The following TANC2 variants were observed in gnomAD, a reference collection of about 807,000 sequenced individuals.
TANC2 encodes protein TANC2.
A neutral mutation model predicts 210.5 loss-of-function variants in TANC2; 26 were observed. That is an observed-to-expected ratio of 0.12 (90% CI 0.09 to 0.17). The LOEUF (loss-of-function observed/expected upper bound fraction) is 0.17, where lower values mean the gene tolerates loss of function less well. Ranked by LOEUF, TANC2 falls within the 10% of genes least tolerant of loss-of-function variation. The probability of loss-of-function intolerance (pLI) is 1.00; values close to 1 mark genes in which losing one functional copy is unlikely to be tolerated. For synonymous variants in TANC2, 931 were observed against 967.1 expected (o/e 0.96, Z 0.69); for missense variants, 2,129 against 2,608.9 (o/e 0.82, Z 4.01).
intron 4 of TANC2, among the ~76,000 whole-genome samples, chr17:63,129,161 A>AT (rs1282148990): frequency 1.1e-4 from 16 of 149,434 alleles, no homozygotes; most frequent in East Asian, 5.9e-4. Flanking sequence ...TGTCCGGCTG[A>AT]TTTTTTTTTT....
chr17:63,398,974 C>T (rs1294818544), intron 19 of TANC2, 60 bp downstream of exon 19: 1 of 1,266,774 alleles, frequency 7.9e-7, no homozygotes, highest in Non-Finnish European at 1.1e-6. Context: ...TCTCGAATCT[C>T]ACCCCCTTAT....
intron 4 of TANC2, among the ~76,000 whole-genome samples, chr17:63,122,050 A>G (rs1207982298): frequency 6.6e-6 from 1 of 152,140 alleles, no homozygotes; most frequent in Non-Finnish European, 1.5e-5. Context: ...GCAAGGATGA[A>G]AAACTCAATC....
chr17:63,245,140 C>T (rs748161303), intron 8 of TANC2, among the ~76,000 whole-genome samples: 1 of 152,164 alleles, frequency 6.6e-6, no homozygotes, highest in Non-Finnish European at 1.5e-5. Flanking sequence ...TTTATCCTTG[C>T]TTCAATTTTA....
Position 63,412,557 on chromosome 17 carries a change from G to A in TANC2, c.3899-123G>A. 2.2e-6 allele frequency: 2 copies of A among 913,482 alleles called. No homozygotes were observed. Among genetic ancestry groups the A allele is most frequent in the Non-Finnish European group, 3.4e-6 (2 of 593,746 alleles). 56.6% of individuals were successfully genotyped at this position (913,482 alleles called of 1,614,324 possible). ...CCCACAGACCTATAGACGAGGGTTG[G>A]CTGATATGCTGGCTTTGTGCTGCCT... On this transcript the variant is annotated intron_variant, in intron 23 of 27. Transcript: ENST00000689528. This position sits in a 1 kb window ranked among gnomAD's most constrained non-coding sequence, Gnocchi z 4.2.
At chr17:63,246,955 C>A (rs936754727) in intron 8 of TANC2, among the ~76,000 whole-genome samples, 2 of 152,126 alleles carry the variant, frequency 1.3e-5, no homozygotes, top group Non-Finnish European at 2.9e-5. Flanking sequence ...TCCTGTTTCT[C>A]TACATCTCCT....
At chr17:63,014,573 G>A (rs569561462) in intron 2 of TANC2, among the ~76,000 whole-genome samples, 5 of 152,064 alleles carry the variant, frequency 3.3e-5, no homozygotes, top group Admixed American at 6.5e-5. Flanking sequence ...TAATTTTTCC[G>A]AGTCTGTGTT....
At chr17:63,134,114 T>C (rs1033204813) in intron 4 of TANC2, among the ~76,000 whole-genome samples, 16 of 152,158 alleles carry the variant, frequency 1.1e-4, no homozygotes, top group African/African-American at 3.9e-4. Flanking sequence ...ACCTATTAAA[T>C]AGCAGTTATC....
chr17:63,128,168 G>A (rs1368299154), intron 4 of TANC2, among the ~76,000 whole-genome samples: 1 of 151,934 alleles, frequency 6.6e-6, no homozygotes, highest in African/African-American at 2.4e-5. Flanking sequence ...ATAAAAGTAA[G>A]GTGCTAAAAA....
At chr17:63,341,409 T>C (rs995837947) in intron 12 of TANC2, among the ~76,000 whole-genome samples, 2 of 152,226 alleles carry the variant, frequency 1.3e-5, no homozygotes, top group African/African-American at 4.8e-5. Context: ...CCCACTTGGC[T>C]CAATTGTTTC....
intron 1 of TANC2, among the ~76,000 whole-genome samples, chr17:62,989,901 G>T (rs960813297): frequency 4.0e-5 from 6 of 150,732 alleles, no homozygotes; most frequent in African/African-American, 1.5e-4. Flanking sequence ...CTCCTGAGTA[G>T]CTGGGACTAC....
At chr17:63,063,202 G>A (rs1408943932) in intron 2 of TANC2, among the ~76,000 whole-genome samples, 1 of 152,174 alleles carries the variant, frequency 6.6e-6, no homozygotes, top group Non-Finnish European at 1.5e-5. Context: ...TAAAGAGCCC[G>A]GAGCTTCCAT....
intron 7 of TANC2, among the ~76,000 whole-genome samples, chr17:63,211,832 T>C (rs774639978): frequency 5.9e-5 from 9 of 152,156 alleles, no homozygotes; most frequent in African/African-American, 9.7e-5. Flanking sequence ...AGCTTAATGA[T>C]GGGGGAGGAG....
intron 5 of TANC2, among the ~76,000 whole-genome samples, chr17:63,167,884 CAAAAAAAAAAAAA>C (rs760465295): frequency 1.6e-5 from 1 of 63,994 alleles, no homozygotes; most frequent in African/African-American, 6.2e-5. Flanking sequence ...GACTCTGTCT[CAAAAAAAAAAAAA>C]AAAAAAAAAA....
At chr17:63,409,762 G>A (rs2048632511) in intron 21 of TANC2, among the ~76,000 whole-genome samples, 1 of 152,164 alleles carries the variant, frequency 6.6e-6, no homozygotes, top group Admixed American at 6.5e-5. Context: ...AGTGGTATTT[G>A]TGTAGCTAAA....
chr17:63,262,077 A>G (rs2043375316), intron 8 of TANC2, among the ~76,000 whole-genome samples: 1 of 152,258 alleles, frequency 6.6e-6, no homozygotes, highest in African/African-American at 2.4e-5. Context: ...AAAGGAGGCG[A>G]GAAAAAGAAT....
chr17:63,236,966 A>G (rs934488170), intron 7 of TANC2, among the ~76,000 whole-genome samples: 3 of 152,146 alleles, frequency 2.0e-5, no homozygotes, highest in Non-Finnish European at 4.4e-5. Flanking sequence ...AAGTGCAGAT[A>G]TCTTTTTGAC....
chr17:63,187,350 G>A (rs537198489), intron 5 of TANC2, among the ~76,000 whole-genome samples: 3 of 152,138 alleles, frequency 2.0e-5, no homozygotes, highest in Non-Finnish European at 4.4e-5. Context: ...TGCCTACCTT[G>A]TAGGGCAGTT....
At chr17:62,967,844 AG>A (rs934793960) in intron 1 of TANC2, among the ~76,000 whole-genome samples, 3 of 151,912 alleles carry the variant, frequency 2.0e-5, no homozygotes, top group Admixed American at 6.6e-5. Context: ...AAAAAAAAAA[AG>A]AATACAGTAA....
chr17:63,109,886 G>C lies in TANC2; in HGVS notation c.322+10529G>C, dbSNP rs556346513. 4.0e-5 allele frequency among the ~76,000 whole-genome samples: 6 copies of C among 151,682 alleles called. No individual in the cohort carries two copies. The East Asian group carries it at 1.2e-3, about 29-fold the overall frequency. On this transcript the variant is annotated intron_variant, in intron 4 of 27. Transcript: ENST00000689528. ...CTAGTTCTGCCTTGTAGAACTATACGACATAAATTAACCTCTTCTTTCACG... is the reference window on the plus strand; with the variant it reads ...CTAGTTCTGCCTTGTAGAACTATACCACATAAATTAACCTCTTCTTTCACG...
Sources: gnomAD v4.1 joint callset for allele counts (sites outside exome capture counted in the v4.1 genomes callset) on GRCh38, gnomAD v4.1.1 for gene constraint, Gnocchi (gnomAD v3.1) non-coding constraint, MANE v1.5 for transcripts, NCBI Gene and HGNC (gene_info 2026-07-23, HGNC 2026-07-21) for gene names.